ENPP2: variants seen among roughly 807,000 people sequenced by gnomAD.
ENPP2 encodes autotaxin.
A neutral mutation model predicts 120.2 loss-of-function variants in ENPP2; 51 were observed. That is an observed-to-expected ratio of 0.42 (90% CI 0.34 to 0.54). The LOEUF (loss-of-function observed/expected upper bound fraction) is 0.54. Ranked by LOEUF, ENPP2 falls within the 20% of genes least tolerant of loss-of-function variation. The pLI is 0.04. For synonymous variants in ENPP2, 365 were observed against 366.4 expected, an observed-to-expected ratio of 1.00 and a Z score of 0.04; for missense variants, 920 against 1,066.5, an observed-to-expected ratio of 0.86 and a Z score of 1.91.
Position 119,619,312 on chromosome 8 carries a change from GA to G in ENPP2, c.419-9del. On this transcript the variant is annotated splice_polypyrimidine_tract_variant and intron_variant, in intron 4 of 24. Transcript: ENST00000075322. ...CAACCCAATGCGACTCTCCTATAAGGAAAAATGGGTAAATGTATTGTTGAAT... is the reference window on the plus strand; with the variant it reads ...CAACCCAATGCGACTCTCCTATAAGGAAAATGGGTAAATGTATTGTTGAAT... The G allele has an allele frequency of 6.3e-7, 1 of 1,594,148 alleles. No homozygotes were observed. Among genetic ancestry groups the G allele is most frequent in the Non-Finnish European group, 8.6e-7 (1 of 1,163,668 alleles).
At chr8:119,648,159 T>C (rs1171020605) in intron 1 of ENPP2, among the ~76,000 whole-genome samples, 1 of 152,166 alleles carries the variant, frequency 6.6e-6, no homozygotes, top group Non-Finnish European at 1.5e-5. Context: ...AATGATGTAA[T>C]AATGCATGTT....
At chr8:119,582,714 A>C (rs1812835462) in intron 17 of ENPP2, 112 bp from the exon 18 acceptor site, 2 of 795,138 alleles carry the variant, frequency 2.5e-6, no homozygotes, top group Non-Finnish European at 4.1e-6. Flanking sequence ...AACACAAATC[A>C]GAACTGGACA....
At chr8:119,654,843 A>G (rs1284737791) in intron 1 of ENPP2, among the ~76,000 whole-genome samples, 6 of 152,204 alleles carry the variant, frequency 3.9e-5, no homozygotes, top group Non-Finnish European at 8.8e-5. Context: ...GCTTCTTTCC[A>G]ACTCTAAGCA....
intron 1 of ENPP2, among the ~76,000 whole-genome samples, chr8:119,668,929 T>C (rs901423474): frequency 3.3e-5 from 5 of 152,198 alleles, no homozygotes; most frequent in Admixed American, 1.3e-4. Flanking sequence ...GTCATACACA[T>C]ACACACATAC....
At chr8:119,582,361 C>T in intron 18 of ENPP2, 57 bp downstream of exon 18, 3 of 1,359,160 alleles carry the variant, frequency 2.2e-6, no homozygotes, top group Non-Finnish European at 3.1e-6. Flanking sequence ...TTCTATGGGC[C>T]AGCACTGTTA....
intron 11 of ENPP2, chr8:119,595,778 A>G (rs1197392186): frequency 7.3e-6 from 11 of 1,500,708 alleles, no homozygotes; most frequent in Admixed American, 1.8e-5. Context: ...TTTTCCAACC[A>G]AGGCACTGAA....
chr8:119,585,886 G>T (rs1813071868), intron 15 of ENPP2, among the ~76,000 whole-genome samples: 1 of 151,156 alleles, frequency 6.6e-6, no homozygotes, highest in South Asian at 2.1e-4. Context: ...TACTCAAGTA[G>T]TAAGAATAGA....
chr8:119,662,554 C>T (rs977023413), intron 1 of ENPP2, among the ~76,000 whole-genome samples: 6 of 151,782 alleles, frequency 4.0e-5, no homozygotes, highest in Non-Finnish European at 7.4e-5. Context: ...TCTGATGCAG[C>T]TGAAATTTGA....
At chr8:119,639,415 A>G (rs975945733), upstream of ENPP2, among the ~76,000 whole-genome samples, 3 of 152,206 alleles carry the variant, frequency 2.0e-5, no homozygotes, top group Non-Finnish European at 2.9e-5. Flanking sequence ...GAAATTTCGC[A>G]AAATTGTAAC....
intron 1 of ENPP2, among the ~76,000 whole-genome samples, chr8:119,649,411 AAAAAG>A (rs543397920): frequency 2.1e-4 from 31 of 150,598 alleles, no homozygotes; most frequent in Middle Eastern, 6.8e-3. Context: ...CAAAAAAAAA[AAAAAG>A]AAAAGAAAAG....
At position 119,612,010 on chromosome 8, in the gene ENPP2, CAG is replaced by C. The variant is rs576230225; in HGVS notation, c.778-4035_778-4034del. ...TGCCACTGCCCTCCAGCCTGGGCGACAGAGCAAAACTCTGTCTCAAAAAAAAT... is the reference window on the plus strand; with the variant it reads ...TGCCACTGCCCTCCAGCCTGGGCGACAGCAAAACTCTGTCTCAAAAAAAAT... On this transcript the variant is annotated intron_variant, in intron 8 of 24. Transcript: ENST00000075322. Among the ~76,000 whole-genome samples, 530 of 152,090 alleles carry C rather than the reference CAG, an allele frequency of 3.5e-3. 1 individual carries two copies. Among genetic ancestry groups the C allele is most frequent in the Non-Finnish European group, 6.1e-3 (416 of 68,006 alleles).
chr8:119,575,554 T>A (rs1428873365), intron 19 of ENPP2, among the ~76,000 whole-genome samples: 3 of 152,202 alleles, frequency 2.0e-5, no homozygotes, highest in Non-Finnish European at 2.9e-5. Context: ...TTGTTCCCAC[T>A]CTTAGAATAA....
At chr8:119,586,428 G>A in intron 14 of ENPP2, 115 bp from the exon 15 acceptor site, 1 of 808,542 alleles carries the variant, frequency 1.2e-6, no homozygotes, top group Non-Finnish European at 2.0e-6. Flanking sequence ...GTTAATGAGT[G>A]AATAAATGAA....
At chr8:119,597,091 C>A (rs998889864) in intron 11 of ENPP2, among the ~76,000 whole-genome samples, 2 of 152,088 alleles carry the variant, frequency 1.3e-5, no homozygotes, top group African/African-American at 2.4e-5. Flanking sequence ...ATCTGCCATG[C>A]GATTTCACTG....
At chr8:119,582,305 C>A in intron 18 of ENPP2, 113 bp downstream of exon 18, 1 of 761,666 alleles carries the variant, frequency 1.3e-6, no homozygotes, top group Non-Finnish European at 2.1e-6. Flanking sequence ...CAGTAGCTAC[C>A]ATTTTGGACA....
Position 119,570,693 on chromosome 8 carries a change from T to G in ENPP2, c.1917+12A>C, listed in dbSNP as rs1814891237. ...TAAAATAAAAAATATAAAATCCAATTTTCTCAATGACCTGTTTGGAAACAG... is the reference window on the plus strand; with the variant it reads ...TAAAATAAAAAATATAAAATCCAATGTTCTCAATGACCTGTTTGGAAACAG... On this transcript the variant is annotated intron_variant, in intron 20 of 24. Coordinates refer to ENST00000075322, the MANE Select transcript of ENPP2 (RefSeq NM_001040092.3). 1 of 1,472,102 alleles carries G rather than the reference T, an allele frequency of 6.8e-7. No individual in the cohort carries two copies. The highest frequency in any genetic ancestry group is 2.5e-5 in the East Asian group (1 of 39,830). The allele number at this position is 1,472,102 out of a possible 1,614,324, so 91.2% of individuals were successfully genotyped here.
intron 19 of ENPP2, chr8:119,571,505 A>G (rs1178350340): frequency 6.6e-6 from 1 of 152,194 alleles, no homozygotes; most frequent in Non-Finnish European, 1.5e-5. Context: ...TCAGACCTCC[A>G]AAGGAAAGCT....
intron 9 of ENPP2, among the ~76,000 whole-genome samples, chr8:119,603,683 A>C (rs1044780683): frequency 3.9e-5 from 6 of 152,204 alleles, no homozygotes; most frequent in African/African-American, 1.4e-4. Context: ...GTTTAGAAAA[A>C]TGTTAGCTTT....
At chr8:119,628,619 T>C (rs1442737967) in intron 2 of ENPP2, among the ~76,000 whole-genome samples, 2 of 152,106 alleles carry the variant, frequency 1.3e-5, no homozygotes, top group East Asian at 1.9e-4. Context: ...TAGGCTAATA[T>C]GGAAAGATCT....
Sources: allele counts gnomAD v4.1 joint callset (sites outside exome capture counted in the v4.1 genomes callset), GRCh38; gene constraint gnomAD v4.1.1; transcripts MANE v1.5; gene names NCBI Gene and HGNC (gene_info 2026-07-23, HGNC 2026-07-21).